AMOTL1: variants seen among roughly 807,000 people sequenced by gnomAD.
The protein encoded by AMOTL1 is angiomotin like 1, also known as angiomotin-like protein 1.
In AMOTL1, 45 loss-of-function variants were observed where a neutral mutation model predicts 102.9. The ratio of observed to expected loss-of-function variants is 0.44; its 90% CI spans 0.34 to 0.56. The LOEUF (loss-of-function observed/expected upper bound fraction) is 0.56, where lower values mean the gene tolerates loss of function less well. Among genes scored for constraint, AMOTL1 ranks in the 20% least tolerant of loss-of-function variants. The pLI is 0.01. For missense variants in AMOTL1, 1,114 were observed against 1,225.6 expected, an observed-to-expected ratio of 0.91 and a Z score of 1.36; for synonymous variants, 481 against 484.7, an observed-to-expected ratio of 0.99 and a Z score of 0.10.
At chr11:94,822,570 C>T (rs968623095) in intron 4 of AMOTL1, among the ~76,000 whole-genome samples, 1 of 152,314 alleles carries the variant, frequency 6.6e-6, no homozygotes, top group East Asian at 1.9e-4. Context: ...CTTGCCTCAA[C>T]ATGAGAGGGT....
upstream of AMOTL1, among the ~76,000 whole-genome samples, chr11:94,766,095 AAAC>A (rs146437357): frequency 0.097 from 14,718 of 152,190 alleles, 1,335 homozygotes; most frequent in East Asian, 0.28. Flanking sequence ...TCCCCAGGAT[AAAC>A]AACGAGTCAA....
rs373095129 is a variant in AMOTL1 at position 94,872,500 on chromosome 11, C to G, written c.*1705C>G. The G allele has an allele frequency of 2.6e-5, 4 of 152,208 alleles. No homozygotes were observed. The highest frequency in any genetic ancestry group is 4.4e-5 in the Non-Finnish European group (3 of 68,108). 9.4% of individuals were successfully genotyped at this position (152,208 alleles called of 1,614,324 possible). ...AATGGACTGGTCTTGGGTGTGTAAC[C>G]CCGGTGAAGTTATAGCCTCCCCAAA... On this transcript the variant is annotated 3_prime_UTR_variant, in exon 13 of 13. Coordinates refer to ENST00000433060, the MANE Select transcript of AMOTL1 (RefSeq NM_130847.3).
At chr11:94,850,388 T>A in intron 7 of AMOTL1, 129 bp downstream of exon 7, 1 of 1,240,602 alleles carries the variant, frequency 8.1e-7, no homozygotes, top group Non-Finnish European at 1.1e-6. Flanking sequence ...GGGAGGGATA[T>A]GGGAAACTTC....
chr11:94,831,402 G>A (rs1451548979), intron 5 of AMOTL1, 50 bp from the exon 6 acceptor site: 3 of 1,444,854 alleles, frequency 2.1e-6, no homozygotes, highest in Admixed American at 3.6e-5. Flanking sequence ...GTTAGATGAT[G>A]ACTTCAATCC....
rs372733690 is a variant in AMOTL1 at position 94,830,032 on chromosome 11, G to T, written c.1414-18G>T. The T allele has an allele frequency of 3.8e-6, 6 of 1,580,624 alleles. No individual in the cohort carries two copies. Among genetic ancestry groups the T allele is most frequent in the Non-Finnish European group, 4.3e-6 (5 of 1,166,272 alleles). On this transcript the variant is annotated intron_variant, in intron 4 of 12. Coordinates refer to ENST00000433060, the MANE Select transcript of AMOTL1 (RefSeq NM_130847.3). ...TGAATGTCAAAGGTACCACTTTAAT[G>T]CCAGTTCTTTCTTTTAGTTTGAAAA...
At chr11:94,754,426 C>G (rs1950696266) in intron 3 of AMOTL1, among the ~76,000 whole-genome samples, 1 of 152,204 alleles carries the variant, frequency 6.6e-6, no homozygotes, top group African/African-American at 2.4e-5. Context: ...CATACAAACC[C>G]AGATTTAGCA....
At chr11:94,728,549 T>G (rs1442586936) in intron 1 of AMOTL1, among the ~76,000 whole-genome samples, 1 of 152,174 alleles carries the variant, frequency 6.6e-6, no homozygotes, top group Admixed American at 6.6e-5. Context: ...TTAGTTCAAG[T>G]TTTTTTAGTC....
At chr11:94,852,854 TAC>T (rs1335148543) in intron 7 of AMOTL1, among the ~76,000 whole-genome samples, 1 of 152,176 alleles carries the variant, frequency 6.6e-6, no homozygotes. Context: ...CATAAATGGG[TAC>T]ACATACATAT....
chr11:94,866,148 A>G lies in AMOTL1; in HGVS notation c.2468A>G (p.Lys823Arg), dbSNP rs779092738. The G allele has an allele frequency of 6.2e-7, 1 of 1,614,040 alleles. No homozygotes were observed. Among genetic ancestry groups the G allele is most frequent in the Non-Finnish European group, 8.5e-7 (1 of 1,179,896 alleles). ...CTGGCTGAGGAAAAGAAGGAAGAGA[A>G]GACCTGGAAGGGGAGCATAGGTGAG... Reference protein sequence around the residue: ...SQLAEEKKEEKTWKGSIGLLL... With the variant: ...SQLAEEKKEERTWKGSIGLLL... Residue 823 changes from lysine to arginine, a missense_variant, in exon 11 of 13, where the codon AAG becomes AGG. Lys to Arg is a conservative substitution (Grantham distance 26, BLOSUM62 2). Coordinates refer to ENST00000433060, the MANE Select transcript of AMOTL1 (RefSeq NM_130847.3).
chr11:94,741,128 T>C, intron 3 of AMOTL1: 1 of 659,788 alleles, frequency 1.5e-6, no homozygotes, highest in Non-Finnish European at 2.3e-6. Context: ...GGACACCTGC[T>C]GCCTTCGCGG....
chr11:94,739,916 T>C (rs2510958), intron 2 of AMOTL1, among the ~76,000 whole-genome samples: 150,443 of 152,294 alleles, frequency 0.99, 74,342 homozygotes, highest in East Asian at 1. Flanking sequence ...GAATTTACAG[T>C]TCTCAGAGCA....
chr11:94,744,270 A>T (rs1415603171), intron 3 of AMOTL1, among the ~76,000 whole-genome samples: 1 of 152,208 alleles, frequency 6.6e-6, no homozygotes, highest in Non-Finnish European at 1.5e-5. Context: ...TCAGGGAAGC[A>T]CTATGCTTAT....
At chr11:94,859,777 A>C in intron 9 of AMOTL1, 62 bp downstream of exon 9, 1 of 1,493,664 alleles carries the variant, frequency 6.7e-7, no homozygotes, top group Non-Finnish European at 9.0e-7. Flanking sequence ...AACAAAACAA[A>C]CAGGCTATCC....
At position 94,856,299 on chromosome 11, in the gene AMOTL1, A is replaced by G. The variant is rs1427103230; in HGVS notation, c.1944+2217A>G. Among the ~76,000 whole-genome samples the G allele has an allele frequency of 8.5e-5, 13 of 152,232 alleles. No individual in the cohort carries two copies. In the East Asian group the frequency reaches 2.5e-3, roughly 29 times the overall value. On this transcript the variant is annotated intron_variant, in intron 8 of 12. Coordinates refer to ENST00000433060, the MANE Select transcript of AMOTL1 (RefSeq NM_130847.3). The stretch of plus-strand genomic sequence containing the variant: ...TATTTCTTTATTTTCTAATGTTCCC[A>G]GTAAGCATACATTATCTTATAACCA...
At chr11:94,823,243 C>T (rs977013766) in intron 4 of AMOTL1, among the ~76,000 whole-genome samples, 1 of 152,164 alleles carries the variant, frequency 6.6e-6, no homozygotes, top group African/African-American at 2.4e-5. Flanking sequence ...AGAGCTTCCA[C>T]TGAAAAGGTC....
intron 2 of AMOTL1, among the ~76,000 whole-genome samples, chr11:94,732,443 C>A (rs1029335845): frequency 2.0e-5 from 3 of 152,168 alleles, no homozygotes; most frequent in Non-Finnish European, 4.4e-5. Context: ...ACTCCTGCTT[C>A]TGACACTCCT....
At chr11:94,829,992 A>G in intron 4 of AMOTL1, 58 bp from the exon 5 acceptor site, 1 of 1,500,146 alleles carries the variant, frequency 6.7e-7, no homozygotes, top group Non-Finnish European at 8.9e-7. Flanking sequence ...AATCCATTTT[A>G]CCAAGACACC....
chr11:94,825,517 T>C (rs1001579002), intron 4 of AMOTL1, among the ~76,000 whole-genome samples: 1 of 152,184 alleles, frequency 6.6e-6, no homozygotes, highest in African/African-American at 2.4e-5. Context: ...CTCTGGGACA[T>C]TGAGTGTATT....
rs180890732 is a variant in AMOTL1 at position 94,805,318 on chromosome 11, A to G, written c.1121+5007A>G. Reference sequence around the variant, plus strand: ...GCTGTCTGGATACCTCTTTTTCTTCAGATATCTGGGAAGACTGTCACAGAC... The same window carrying G: ...GCTGTCTGGATACCTCTTTTTCTTCGGATATCTGGGAAGACTGTCACAGAC... On this transcript the variant is annotated intron_variant, in intron 3 of 12. Transcript: ENST00000433060. 9.9e-5 allele frequency among the ~76,000 whole-genome samples: 15 copies of G among 152,242 alleles called. No homozygotes were observed. The East Asian group carries it at 2.3e-3, about 23-fold the overall frequency.
Sources: allele counts gnomAD v4.1 joint callset (sites outside exome capture counted in the v4.1 genomes callset), GRCh38; gene constraint gnomAD v4.1.1; transcripts MANE v1.5; gene names NCBI Gene and HGNC (gene_info 2026-07-23, HGNC 2026-07-21).